ARHGEF4: variants seen among roughly 807,000 people sequenced by gnomAD.
ARHGEF4 encodes APC-stimulated guanine nucleotide exchange factor 1.
ARHGEF4 carries 119 observed loss-of-function variants against 162.0 expected under a neutral mutation model. The ratio of observed to expected loss-of-function variants is 0.73; its 90% CI spans 0.63 to 0.86. ARHGEF4 has a LOEUF of 0.86. Ranked by LOEUF, ARHGEF4 falls within the 40% of genes least tolerant of loss-of-function variation. ARHGEF4 has a pLI of 0.00. For synonymous variants in ARHGEF4, 1,014 were observed against 979.9 expected, an observed-to-expected ratio of 1.03 and a Z score of -0.65; for missense variants, 2,488 against 2,456.0, an observed-to-expected ratio of 1.01 and a Z score of -0.28.
rs759020167 is a variant in ARHGEF4, at chr2:131,040,366, G to C, written c.4588G>C (p.Val1530Leu). The part of the protein sequence containing the change: ...EDIYRCQKAF[V>L]KALEQRFNRE... The stretch of plus-strand genomic sequence containing the variant: ...CATCTACCGCTGCCAGAAGGCCTTC[G>C]TGAAGGCCCTGGAGCAGAGGTTCAA... The change falls in exon 8 of 14, where the codon GTG becomes CTG. Residue 1530 changes from valine (V) to leucine (L), a missense_variant. Physicochemically the swap from Val to Leu is conservative, Grantham distance 32 (BLOSUM62 1). Around this residue, in one of 6 missense-constraint regions of ARHGEF4, gnomAD observed 415 missense variants for 512.4 expected, o/e 0.81. Transcript: ENST00000409359. The C allele has an allele frequency of 3.1e-6, 5 of 1,611,142 alleles. No individual in the cohort carries two copies. The highest frequency in any genetic ancestry group is 1.7e-5 in the Admixed American group (1 of 59,760).
intron 2 of ARHGEF4, chr2:130,929,745 C>T (rs964788754): frequency 5.0e-6 from 1 of 198,952 alleles, no homozygotes; most frequent in Admixed American, 4.4e-5. Context: ...AAAACAGTCT[C>T]CTGTACAACT....
intron 4 of ARHGEF4, among the ~76,000 whole-genome samples, chr2:130,970,620 T>C (rs1402779453): frequency 6.6e-6 from 1 of 151,866 alleles, no homozygotes; most frequent in Admixed American, 6.6e-5. Context: ...AAAAGCCATC[T>C]ATTAGGTATG....
intron 4 of ARHGEF4, among the ~76,000 whole-genome samples, chr2:130,988,864 GTGTGTGTGTATA>G (rs1686700190): frequency 8.1e-5 from 2 of 24,738 alleles, no homozygotes; most frequent in African/African-American, 1.7e-4. Flanking sequence ...GTGTGTGTGT[GTGTGTGTGTATA>G]TATATATATA....
chr2:130,996,772 A>T (rs1687418401), intron 4 of ARHGEF4, among the ~76,000 whole-genome samples: 1 of 152,178 alleles, frequency 6.6e-6, no homozygotes, highest in Admixed American at 6.5e-5. Flanking sequence ...ACAGCATGAG[A>T]CGTCCTGCAT....
At chr2:131,007,029 A>G (rs1178346600) in intron 4 of ARHGEF4, among the ~76,000 whole-genome samples, 1 of 152,230 alleles carries the variant, frequency 6.6e-6, no homozygotes, top group Non-Finnish European at 1.5e-5. Flanking sequence ...TACAAGGCAT[A>G]GGGTGTAGGA....
At chr2:130,958,932 C>A (rs1684460945) in intron 4 of ARHGEF4, among the ~76,000 whole-genome samples, 1 of 150,846 alleles carries the variant, frequency 6.6e-6, no homozygotes, top group South Asian at 2.1e-4. Flanking sequence ...TATCTAGATA[C>A]ATTTCTTTTC....
intron 10 of ARHGEF4, among the ~76,000 whole-genome samples, chr2:131,042,992 T>C (rs1278462962): frequency 3.3e-5 from 5 of 152,312 alleles, no homozygotes; most frequent in African/African-American, 1.2e-4. Flanking sequence ...CAAACTAGTA[T>C]GTGAGCCACA....
intron 4 of ARHGEF4, among the ~76,000 whole-genome samples, chr2:130,951,879 AAAGCC>A (rs1342595952): frequency 6.6e-6 from 1 of 152,150 alleles, no homozygotes; most frequent in Non-Finnish European, 1.5e-5. Flanking sequence ...TCAATGTTAT[AAAGCC>A]AGCAGCACAT....
At chr2:130,902,788 G>A (rs780255266) in intron 1 of ARHGEF4, among the ~76,000 whole-genome samples, 30 of 152,114 alleles carry the variant, frequency 2.0e-4, no homozygotes, top group African/African-American at 7.0e-4. Flanking sequence ...TTCAGTTATC[G>A]TTTATTTGCC....
intron 4 of ARHGEF4, chr2:130,963,660 C>T (rs1395081977): frequency 2.1e-5 from 3 of 146,252 alleles, no homozygotes; most frequent in African/African-American, 7.4e-5. Flanking sequence ...CCTGCGTGCG[C>T]GCGTGCGTGA....
At chr2:130,908,276 G>A (rs1342584472) in intron 1 of ARHGEF4, among the ~76,000 whole-genome samples, 2 of 152,172 alleles carry the variant, frequency 1.3e-5, no homozygotes, top group Admixed American at 6.5e-5. Context: ...GTATAGAAAT[G>A]CTACTGGTTT....
At chr2:131,002,810 G>A (rs558925312) in intron 4 of ARHGEF4, among the ~76,000 whole-genome samples, 239 of 151,684 alleles carry the variant, frequency 1.6e-3, no homozygotes, top group African/African-American at 5.0e-3. Context: ...CTGCTGGAAC[G>A]GACAGTCTGA....
intron 4 of ARHGEF4, among the ~76,000 whole-genome samples, chr2:131,016,833 G>A (rs1015920347): frequency 2.6e-5 from 4 of 152,214 alleles, no homozygotes; most frequent in African/African-American, 9.6e-5. Flanking sequence ...CAGGGCAGTA[G>A]GTCAGCATGG....
At position 130,917,068 on chromosome 2, in the gene ARHGEF4, A is replaced by G; in HGVS notation, c.3122A>G (p.Tyr1041Cys). The part of the protein sequence containing the change: ...KCTATQEGGR[Y>C]LPSGIFPEKS... ...ACAGCCACCCAGGAAGGCGGTAGGT[A>G]CCTACCTTCAGGTATCTTTCCGGAA... is the stretch of plus-strand genomic sequence containing the variant. The change falls in exon 2 of 14, where the codon TAC (tyrosine) becomes TGC (cysteine). Residue 1041 changes from tyrosine (Y) to cysteine (C), a missense_variant. Around this residue, in one of 6 missense-constraint regions of ARHGEF4, gnomAD observed 1,642 missense variants for 1,481.5 expected, o/e 1.11. Transcript: ENST00000409359. 6.4e-7 allele frequency: 1 copy of G among 1,550,722 alleles called. No homozygotes were observed. Among genetic ancestry groups the G allele is most frequent in the African/African-American group, 1.4e-5 (1 of 73,144 alleles).
At chr2:131,021,416 T>C (rs1689124075) in intron 4 of ARHGEF4, among the ~76,000 whole-genome samples, 1 of 152,164 alleles carries the variant, frequency 6.6e-6, no homozygotes, top group African/African-American at 2.4e-5. Context: ...CTGGGAAAAC[T>C]GGCTAGCCAT....
intron 1 of ARHGEF4, among the ~76,000 whole-genome samples, chr2:130,900,322 C>T (rs4850271): frequency 0.72 from 108,719 of 151,832 alleles, 39,156 homozygotes; most frequent in East Asian, 0.96. Context: ...CAACTATAAC[C>T]GTGGGTTTTT....
At chr2:130,982,557 G>A (rs1036422973) in intron 4 of ARHGEF4, among the ~76,000 whole-genome samples, 2 of 147,564 alleles carry the variant, frequency 1.4e-5, no homozygotes, top group Non-Finnish European at 3.0e-5. Flanking sequence ...TTCTTTTTTC[G>A]CCTCCTCCTC....
chr2:130,961,920 G>A (rs974591154), intron 4 of ARHGEF4, among the ~76,000 whole-genome samples: 1 of 152,016 alleles, frequency 6.6e-6, no homozygotes, highest in Non-Finnish European at 1.5e-5. Context: ...TGAGGAGTGG[G>A]AGAACTGCTC....
intron 1 of ARHGEF4, among the ~76,000 whole-genome samples, chr2:130,877,359 A>G (rs1269748488): frequency 6.6e-6 from 1 of 152,250 alleles, no homozygotes; most frequent in Non-Finnish European, 1.5e-5. Flanking sequence ...TGTTGTGGAA[A>G]GCCTAACTTG....
Sources: allele counts gnomAD v4.1 joint callset (sites outside exome capture counted in the v4.1 genomes callset), GRCh38; gene constraint gnomAD v4.1.1; regional missense constraint gnomAD v4.1.1; transcripts MANE v1.5; gene names NCBI Gene and HGNC (gene_info 2026-07-23, HGNC 2026-07-21).